SVIL: variants seen among roughly 807,000 people sequenced by gnomAD.
SVIL encodes supervillin, also known as archvillin.
In SVIL, 101 loss-of-function variants were observed where a neutral mutation model predicts 240.4. The ratio of observed to expected loss-of-function variants is 0.42; its 90% CI spans 0.36 to 0.50. The LOEUF is 0.50. SVIL is among the 20% of genes least tolerant of loss of function. The pLI is 0.01. For synonymous variants in SVIL, 999 were observed against 1,100.0 expected (o/e 0.91, Z 1.82); for missense variants, 2,512 against 2,818.7 (o/e 0.89, Z 2.46).
At chr10:29,634,175 A>G (rs1958220664) in intron 1 of SVIL, among the ~76,000 whole-genome samples, 2 of 151,276 alleles carry the variant, frequency 1.3e-5, no homozygotes, top group Middle Eastern at 6.8e-3. Flanking sequence ...ACCTTTCTCT[A>G]CCATAAAGTA....
chr10:29,591,475 T>C (rs1377775656), intron 1 of SVIL, among the ~76,000 whole-genome samples: 2 of 152,230 alleles, frequency 1.3e-5, no homozygotes, highest in Non-Finnish European at 2.9e-5. Context: ...GTTATAAAAG[T>C]GAGGCAGTCT....
intron 1 of SVIL, among the ~76,000 whole-genome samples, chr10:29,582,155 G>C (rs1213677202): frequency 6.6e-6 from 1 of 152,208 alleles, no homozygotes; most frequent in Non-Finnish European, 1.5e-5. Context: ...TGCACACTGT[G>C]AGCGAATGCA....
At chr10:29,593,476 G>T (rs1956468067) in intron 1 of SVIL, among the ~76,000 whole-genome samples, 1 of 152,176 alleles carries the variant, frequency 6.6e-6, no homozygotes, top group African/African-American at 2.4e-5. Context: ...GGGCCCCCCA[G>T]TTGCCTATCT....
chr10:29,551,308 G>T, intron 5 of SVIL, 45 bp from the exon 6 acceptor site: 1 of 1,507,816 alleles, frequency 6.6e-7, no homozygotes, highest in Non-Finnish European at 8.9e-7. Context: ...TTCAAGTAAA[G>T]ACATGTATTT....
At chr10:29,461,137 C>A (rs976275954) in intron 36 of SVIL, among the ~76,000 whole-genome samples, 3 of 152,192 alleles carry the variant, frequency 2.0e-5, no homozygotes, top group Non-Finnish European at 2.9e-5. Context: ...AATAAACTTT[C>A]TTCCTTGGCT....
intron 11 of SVIL, 73 bp from the exon 12 acceptor site, chr10:29,529,917 T>A: frequency 6.9e-7 from 1 of 1,459,606 alleles, no homozygotes; most frequent in Non-Finnish European, 9.1e-7. Context: ...ACGCCTGTAA[T>A]CCCAGCACTT....
intron 12 of SVIL, 128 bp downstream of exon 12, chr10:29,529,577 T>C (rs1951205373): frequency 1.8e-6 from 2 of 1,129,846 alleles, no homozygotes; most frequent in Non-Finnish European, 2.4e-6. Context: ...AATCCCTTAG[T>C]ACTAACTTCT....
At chr10:29,548,056 A>G (rs910877318) in intron 6 of SVIL, among the ~76,000 whole-genome samples, 2 of 152,236 alleles carry the variant, frequency 1.3e-5, no homozygotes, top group Non-Finnish European at 2.9e-5. Flanking sequence ...TAAAGGCTGA[A>G]AAAAGGTGCT....
intron 1 of SVIL, among the ~76,000 whole-genome samples, chr10:29,721,304 GGAATAAA>G (rs1564361086): frequency 6.6e-6 from 1 of 151,716 alleles, no homozygotes; most frequent in African/African-American, 2.4e-5. Flanking sequence ...CAGGGAAAAG[GGAATAAA>G]GAATAGACAA....
chr10:29,580,480 T>A (rs1373430737), intron 1 of SVIL, among the ~76,000 whole-genome samples: 2 of 152,304 alleles, frequency 1.3e-5, no homozygotes, highest in East Asian at 1.9e-4. Context: ...AAAAATGGAC[T>A]GCATTATTTA....
At chr10:29,522,352 A>C in intron 16 of SVIL, 58 bp downstream of exon 16, 1 of 1,566,354 alleles carries the variant, frequency 6.4e-7, no homozygotes, top group African/African-American at 1.4e-5. Context: ...TGTTTTCTAA[A>C]AGCAAGCTGT....
chr10:29,585,297 A>G (rs1956119888), intron 1 of SVIL, among the ~76,000 whole-genome samples: 1 of 151,990 alleles, frequency 6.6e-6, no homozygotes, highest in Non-Finnish European at 1.5e-5. Context: ...CCTGGGCTCA[A>G]GTGATCTACC....
intron 3 of SVIL, among the ~76,000 whole-genome samples, chr10:29,653,656 C>T (rs1958912388): frequency 6.6e-6 from 1 of 152,030 alleles, no homozygotes; most frequent in Admixed American, 6.6e-5. Context: ...TGTATCTATG[C>T]TTTTTCTGAG....
At chr10:29,598,054 G>A (rs1253037121) in intron 1 of SVIL, among the ~76,000 whole-genome samples, 1 of 152,058 alleles carries the variant, frequency 6.6e-6, no homozygotes, top group Non-Finnish European at 1.5e-5. Flanking sequence ...AAACCCAGTG[G>A]AATATTATTC....
intron 3 of SVIL, among the ~76,000 whole-genome samples, chr10:29,556,765 C>T (rs1409248945): frequency 6.6e-6 from 1 of 152,188 alleles, no homozygotes; most frequent in Non-Finnish European, 1.5e-5. Context: ...TGGTCAATAA[C>T]AACAGCTTCC....
rs143175273 is a variant in SVIL, at chr10:29,716,162, C to T, written c.-400+19589G>A. ...CCATTTAAATGTTTTTTTCTAAACACTGATGTAACACTGTAATGTGTTCAT... is the reference window on the plus strand; with the variant it reads ...CCATTTAAATGTTTTTTTCTAAACATTGATGTAACACTGTAATGTGTTCAT... On this transcript the variant is annotated intron_variant, in intron 1 of 35. Coordinates refer to the SVIL transcript ENST00000375400. Among the ~76,000 whole-genome samples the T allele has an allele frequency of 2.5e-3, 375 of 152,060 alleles. 1 individual carries two copies. The highest frequency in any genetic ancestry group is 4.4e-3 in the Non-Finnish European group (300 of 68,004).
At chr10:29,634,238 C>A (rs1327086548) in intron 1 of SVIL, among the ~76,000 whole-genome samples, 182 bp downstream of exon 1, 2 of 151,348 alleles carry the variant, frequency 1.3e-5, no homozygotes, top group Non-Finnish European at 2.9e-5. Flanking sequence ...AGAAATATGC[C>A]CAAGGGTATC....
At chr10:29,713,288 G>A (rs964102362) in intron 1 of SVIL, among the ~76,000 whole-genome samples, 17 of 152,028 alleles carry the variant, frequency 1.1e-4, no homozygotes, top group African/African-American at 3.9e-4. Flanking sequence ...GTGTGTGTGT[G>A]TGCATGTGAA....
chr10:29,458,689 T>A lies in SVIL; in HGVS notation c.6403-100A>T, dbSNP rs7098527. The A allele has an allele frequency of 0.37, 484,727 of 1,292,950 alleles. 92,644 individuals carry two copies. Among genetic ancestry groups the A allele is most frequent in the East Asian group, 0.54 (21,621 of 40,362 alleles). The allele number at this position is 1,292,950 out of a possible 1,614,324, so 80.1% of individuals were successfully genotyped here. On this transcript the variant is annotated intron_variant, in intron 36 of 37. Transcript: ENST00000355867. ...ACACAGCCCTGTGCCACCTGCATAC[T>A]GCCTGAGGATGCATAGTTCCATATC...
Sources: allele counts gnomAD v4.1 joint callset (sites outside exome capture counted in the v4.1 genomes callset), GRCh38; gene constraint gnomAD v4.1.1; transcripts MANE v1.5; gene names NCBI Gene and HGNC (gene_info 2026-07-23, HGNC 2026-07-21).